The following DCP1A variants were observed in gnomAD, a reference collection of about 807,000 sequenced individuals.
DCP1A encodes decapping mRNA 1A, also known as mRNA-decapping enzyme 1A.
Under a neutral mutation model 58.0 loss-of-function variants are expected in DCP1A, and 20 were observed. The observed-to-expected ratio is 0.34, with a 90% CI of 0.24 to 0.50. The LOEUF (loss-of-function observed/expected upper bound fraction) is 0.50. Ranked by LOEUF, DCP1A falls within the 20% of genes least tolerant of loss-of-function variation. The pLI, the probability that DCP1A is intolerant of heterozygous loss-of-function variation, is 0.98. For missense variants in DCP1A, 613 were observed against 712.2 expected, an observed-to-expected ratio of 0.86 and a Z score of 1.59; for synonymous variants, 285 against 275.1, an observed-to-expected ratio of 1.04 and a Z score of -0.36.
chr3:53,319,191 A>C (rs782449450), intron 4 of DCP1A, among the ~76,000 whole-genome samples: 25 of 152,214 alleles, frequency 1.6e-4, no homozygotes, highest in East Asian at 3.8e-4. Context: ...TACACAAAGA[A>C]GGAAGACTGG....
chr3:53,321,394 A>C (rs1402855569), intron 3 of DCP1A, among the ~76,000 whole-genome samples: 1 of 152,226 alleles, frequency 6.6e-6, no homozygotes, highest in Non-Finnish European at 1.5e-5. Flanking sequence ...TTAACAAATT[A>C]GAGAAAAAAA....
chr3:53,336,324 C>T (rs1287625392), intron 3 of DCP1A, among the ~76,000 whole-genome samples: 1 of 152,168 alleles, frequency 6.6e-6, no homozygotes, highest in Non-Finnish European at 1.5e-5. Flanking sequence ...GCAGGCTGGT[C>T]TCGAACTCTT....
intron 3 of DCP1A, chr3:53,329,049 G>C (rs1164379537): frequency 3.6e-6 from 1 of 277,176 alleles, no homozygotes; most frequent in Non-Finnish European, 6.7e-6. Flanking sequence ...TGTTGTTTAT[G>C]AATTCCTCTT....
chr3:53,287,690 G>A (rs782544046), intron 9 of DCP1A, 30 bp from the exon 10 acceptor site: 7 of 1,492,636 alleles, frequency 4.7e-6, no homozygotes, highest in South Asian at 1.1e-5. Context: ...TTAAGGATAC[G>A]AATGCCACAT....
At chr3:53,328,706 G>A (rs965591023) in intron 3 of DCP1A, among the ~76,000 whole-genome samples, 13 of 152,336 alleles carry the variant, frequency 8.5e-5, no homozygotes, top group African/African-American at 2.9e-4. Flanking sequence ...CGCCTACAAT[G>A]AGCCAGAAAG....
intron 3 of DCP1A, among the ~76,000 whole-genome samples, chr3:53,327,180 T>A (rs1394757070): frequency 6.6e-6 from 1 of 152,136 alleles, no homozygotes; most frequent in Non-Finnish European, 1.5e-5. Flanking sequence ...GGGGGGAACT[T>A]CTTTTCTCTA....
At chr3:53,322,928 C>T (rs549040681) in intron 3 of DCP1A, among the ~76,000 whole-genome samples, 14 of 152,164 alleles carry the variant, frequency 9.2e-5, no homozygotes, top group Admixed American at 5.9e-4. Context: ...TCTCCTCAGC[C>T]GCCCGAGTAG....
chr3:53,290,500 G>C (rs116075692), intron 8 of DCP1A: 6 of 565,618 alleles, frequency 1.1e-5, no homozygotes, highest in East Asian at 3.0e-5. Context: ...GCCAGGACGG[G>C]GTGGGAGAGG....
intron 5 of DCP1A, among the ~76,000 whole-genome samples, chr3:53,309,769 G>C (rs1559690777): frequency 3.3e-5 from 5 of 152,146 alleles, no homozygotes; most frequent in African/African-American, 1.2e-4. Flanking sequence ...TCTGAAAAAA[G>C]AAAAGAGTCT....
At chr3:53,308,226 C>G (rs1707534512) in intron 5 of DCP1A, among the ~76,000 whole-genome samples, 1 of 151,934 alleles carries the variant, frequency 6.6e-6, no homozygotes, top group Non-Finnish European at 1.5e-5. Flanking sequence ...AAAGAAAAAA[C>G]TTTTCTATAG....
intron 3 of DCP1A, among the ~76,000 whole-genome samples, chr3:53,327,993 T>C (rs1215415474): frequency 6.6e-6 from 1 of 151,850 alleles, no homozygotes; most frequent in African/African-American, 2.4e-5. Context: ...CATGGTGGCG[T>C]GTGCCTGTAA....
At chr3:53,315,817 G>A (rs1385667318) in intron 4 of DCP1A, among the ~76,000 whole-genome samples, 1 of 124,522 alleles carries the variant, frequency 8.0e-6, no homozygotes, top group East Asian at 2.6e-4. Context: ...GCAGTGGCAC[G>A]ATCTTGGCTC....
chr3:53,312,219 C>A, intron 5 of DCP1A, 22 bp downstream of exon 5: 1 of 1,563,032 alleles, frequency 6.4e-7, no homozygotes, highest in Non-Finnish European at 8.7e-7. Flanking sequence ...TGGTCAGCAC[C>A]CAAGTACCCA....
intron 7 of DCP1A, 40 bp downstream of exon 7, chr3:53,292,027 TAC>T (rs782362850): frequency 5.8e-6 from 9 of 1,557,262 alleles, no homozygotes; most frequent in Admixed American, 3.7e-5. Flanking sequence ...CCCATCCAGT[TAC>T]AGTTACCCAC....
chr3:53,291,430 ATTTT>A (rs1262290309), intron 7 of DCP1A, among the ~76,000 whole-genome samples: 1 of 142,158 alleles, frequency 7.0e-6, no homozygotes, highest in African/African-American at 2.6e-5. Flanking sequence ...TATTCATTCT[ATTTT>A]TTTTTTTTTG....
intron 3 of DCP1A, among the ~76,000 whole-genome samples, chr3:53,320,043 G>C (rs1553689730): frequency 6.6e-6 from 1 of 151,728 alleles, no homozygotes; most frequent in Non-Finnish European, 1.5e-5. Flanking sequence ...CAGGAGAATC[G>C]CTTGGGCCCG....
intron 3 of DCP1A, among the ~76,000 whole-genome samples, chr3:53,323,085 A>G (rs920698361): frequency 6.6e-6 from 1 of 151,900 alleles, no homozygotes; most frequent in East Asian, 1.9e-4. Flanking sequence ...CGGCCTCCCA[A>G]AGTGCTGGGA....
At chr3:53,297,575 G>A (rs1296507912) in intron 6 of DCP1A, among the ~76,000 whole-genome samples, 5 of 152,048 alleles carry the variant, frequency 3.3e-5, no homozygotes, top group African/African-American at 1.2e-4. Context: ...TGGCCAGGCT[G>A]TTCTTGAACT....
At chr3:53,314,667 CTTTTTTTT>C (rs1167830951) in intron 4 of DCP1A, among the ~76,000 whole-genome samples, 1 of 86,722 alleles carries the variant, frequency 1.2e-5, no homozygotes, top group East Asian at 3.5e-4. Context: ...TTTTCTTTTT[CTTTTTTTT>C]TTTTTTTTTT....
Sources: allele counts gnomAD v4.1 joint callset (sites outside exome capture counted in the v4.1 genomes callset), GRCh38; gene constraint gnomAD v4.1.1; transcripts MANE v1.5; gene names NCBI Gene and HGNC (gene_info 2026-07-23, HGNC 2026-07-21).